The following AGBL2 variants were observed in gnomAD, a reference collection of about 807,000 sequenced individuals.
The protein encoded by AGBL2 is cytosolic carboxypeptidase 2.
Under a neutral mutation model 103.0 loss-of-function variants are expected in AGBL2, and 87 were observed. The ratio of observed to expected loss-of-function variants is 0.84; its 90% CI spans 0.71 to 1.01. The LOEUF (loss-of-function observed/expected upper bound fraction) is 1.01. Ranked by LOEUF, AGBL2 falls within the 50% of genes least tolerant of loss-of-function variation. The pLI is 0.00. For synonymous variants in AGBL2, 335 were observed against 356.7 expected, an observed-to-expected ratio of 0.94 and a Z score of 0.69; for missense variants, 904 against 1,023.5, an observed-to-expected ratio of 0.88 and a Z score of 1.59.
intron 14 of AGBL2, among the ~76,000 whole-genome samples, chr11:47,671,614 T>A (rs1482027922): frequency 6.6e-6 from 1 of 152,116 alleles, no homozygotes; most frequent in Non-Finnish European, 1.5e-5. Flanking sequence ...TTCAAACCAT[T>A]CAGCTGCCCA....
intron 15 of AGBL2, among the ~76,000 whole-genome samples, chr11:47,668,026 T>G (rs1424455035): frequency 1.3e-5 from 2 of 151,640 alleles, no homozygotes; most frequent in Non-Finnish European, 2.9e-5. Flanking sequence ...CTGGCCAACA[T>G]GGTAAAACCC....
chr11:47,679,345 C>T, intron 13 of AGBL2, among the ~76,000 whole-genome samples: 1 of 151,652 alleles, frequency 6.6e-6, no homozygotes, highest in African/African-American at 2.4e-5. Context: ...GAGCCGTGAT[C>T]ACCCCATTGC....
rs1208876421 is a variant in AGBL2, at chr11:47,659,659, AC to A, written c.*513del. On this transcript the variant is annotated 3_prime_UTR_variant, in exon 19 of 19. Coordinates refer to ENST00000525123, the MANE Select transcript of AGBL2 (RefSeq NM_024783.4). Reference sequence around the variant, plus strand: ...AACCTCATTGAACATAAGGTACGCAACATTAAATTCTGGGTAATACATGCAT... The same window carrying A: ...AACCTCATTGAACATAAGGTACGCAAATTAAATTCTGGGTAATACATGCAT... 6.6e-6 allele frequency: 1 copy of A among 152,276 alleles called. No homozygotes were observed. The highest frequency in any genetic ancestry group is 2.4e-5 in the African/African-American group (1 of 41,458). The allele number at this position is 152,276 out of a possible 1,614,324, so 9.4% of individuals were successfully genotyped here. A position where few individuals can be genotyped will look rare whatever the true frequency, so the allele number is the denominator to read the frequency against.
intron 17 of AGBL2, among the ~76,000 whole-genome samples, chr11:47,663,332 C>T (rs976483530): frequency 6.6e-6 from 1 of 152,180 alleles, no homozygotes; most frequent in Non-Finnish European, 1.5e-5. Context: ...GTGCTTTACC[C>T]TTTCACACTA....
intron 4 of AGBL2, among the ~76,000 whole-genome samples, chr11:47,707,003 AT>A (rs1245980272): frequency 6.9e-6 from 1 of 144,298 alleles, no homozygotes; most frequent in Non-Finnish European, 1.5e-5. Flanking sequence ...CCTGGCCAAT[AT>A]GGTGAAACCC....
intron 14 of AGBL2, among the ~76,000 whole-genome samples, chr11:47,674,860 G>A (rs1475280317): frequency 2.0e-5 from 3 of 151,754 alleles, no homozygotes; most frequent in East Asian, 2.0e-4. Flanking sequence ...GCAGCCTCCC[G>A]AGTAGCTGGG....
rs61737887 is a variant in AGBL2, at chr11:47,690,158, C to T, written c.1549G>A (p.Gly517Arg). 5.5e-4 allele frequency: 880 copies of T among 1,614,096 alleles called. 1 individual carries two copies. The highest frequency in any genetic ancestry group is 1.7e-3 in the Admixed American group (103 of 59,992). ...IVGNYRCSLA[G>R]RDLNRHYKTI... is the part of the protein sequence containing the mutation. Reference sequence around the variant, plus strand: ...TTATAATGCCTGTTCAAATCCCTTCCGGCCAAGGAACACCGATAATTCCCC... The same window carrying T: ...TTATAATGCCTGTTCAAATCCCTTCTGGCCAAGGAACACCGATAATTCCCC... The change falls in exon 10 of 19, where the codon GGA (glycine) becomes AGA (arginine). Residue 517 changes from glycine (G) to arginine (R), a missense_variant. By Grantham distance (125) the Gly-to-Arg change is moderately radical. Coordinates refer to ENST00000525123, the MANE Select transcript of AGBL2 (RefSeq NM_024783.4).
At chr11:47,713,720 C>T (rs988059125) in intron 3 of AGBL2, among the ~76,000 whole-genome samples, 2 of 151,036 alleles carry the variant, frequency 1.3e-5, no homozygotes, top group Non-Finnish European at 3.0e-5. Context: ...TTCCCAGTAG[C>T]TGGGACTACA....
At chr11:47,686,158 A>C (rs565878838) in intron 10 of AGBL2, 109 bp from the exon 11 acceptor site, 4 of 1,168,758 alleles carry the variant, frequency 3.4e-6, no homozygotes, top group Non-Finnish European at 4.9e-6. Flanking sequence ...TTTCCCTCCT[A>C]AGAAAATCTC....
rs1296153448 is a variant in AGBL2, at chr11:47,686,458, T to G, written c.1632-409A>C. Among the ~76,000 whole-genome samples, 3 of 148,718 alleles carry G rather than the reference T, an allele frequency of 2.0e-5. No individual in the cohort carries two copies. In the Admixed American group the frequency reaches 2.0e-4, roughly 10 times the overall value. ...TATTTTTGTTTCTGGTTTTTTTTTTTTTTTTTTTTTTGTAGAGGCAGGGTG... is the reference window on the plus strand; with the variant it reads ...TATTTTTGTTTCTGGTTTTTTTTTTGTTTTTTTTTTTGTAGAGGCAGGGTG... On this transcript the variant is annotated intron_variant, in intron 10 of 18. Coordinates refer to ENST00000525123, the MANE Select transcript of AGBL2 (RefSeq NM_024783.4).
At chr11:47,695,629 C>G (rs1182645495) in intron 8 of AGBL2, among the ~76,000 whole-genome samples, 1 of 151,128 alleles carries the variant, frequency 6.6e-6, no homozygotes, top group Non-Finnish European at 1.5e-5. Flanking sequence ...AAAAAATTAG[C>G]TGGGCAGGGT....
chr11:47,674,828 G>A (rs1279253105), intron 14 of AGBL2, among the ~76,000 whole-genome samples: 2 of 151,622 alleles, frequency 1.3e-5, no homozygotes, highest in South Asian at 2.1e-4. Context: ...CTCCGTCTCC[G>A]GGTTCCAGTG....
chr11:47,678,320 A>ATTATTTTTTT (rs1316888179), intron 13 of AGBL2, among the ~76,000 whole-genome samples: 1 of 119,694 alleles, frequency 8.4e-6, no homozygotes, highest in African/African-American at 2.7e-5. Flanking sequence ...ATTTTATTTT[A>ATTATTTTTTT]TTTTATTTTA....
intron 10 of AGBL2, among the ~76,000 whole-genome samples, chr11:47,686,945 G>A (rs1291219394): frequency 6.9e-5 from 8 of 115,268 alleles, no homozygotes; most frequent in African/African-American, 3.2e-5. Context: ...GGCATCAAGA[G>A]TGAAACTCTA....
chr11:47,699,652 G>A (rs575178170), intron 7 of AGBL2, 99 bp from the exon 8 acceptor site: 7 of 650,248 alleles, frequency 1.1e-5, no homozygotes, highest in African/African-American at 7.7e-5. Flanking sequence ...CAAATGGCTA[G>A]TTTGGTTGAA....
chr11:47,712,271 C>T (rs1297544479), intron 3 of AGBL2, among the ~76,000 whole-genome samples: 1 of 151,936 alleles, frequency 6.6e-6, no homozygotes, highest in African/African-American at 2.4e-5. Flanking sequence ...GGAACCTCCC[C>T]CCTGTAGATA....
At chr11:47,701,099 C>T (rs1423707702) in intron 7 of AGBL2, among the ~76,000 whole-genome samples, 1 of 151,276 alleles carries the variant, frequency 6.6e-6, no homozygotes, top group Non-Finnish European at 1.5e-5. Flanking sequence ...CTTATTAATA[C>T]AATTTAGTTT....
chr11:47,714,225 C>A, intron 3 of AGBL2, 59 bp downstream of exon 3: 1 of 1,362,482 alleles, frequency 7.3e-7, no homozygotes, highest in South Asian at 1.2e-5. Context: ...TCCCAGCTAA[C>A]GAAGCAATTT....
In AGBL2 at chr11:47,667,640, C is replaced by A; in HGVS notation, c.2271G>T (p.Arg757Ser). ...TCTGATACTGCTCATTTCGCTGTTT[C>A]CTAGTCTGAAGTGACTTCTTTTTTT... ...KKKKKKSLQT[R>S]KQRNEQYQKK... The change falls in exon 16 of 19, where the codon AGG (arginine) becomes AGT (serine). Residue 757 changes from arginine to serine, a missense_variant. Transcript: ENST00000525123. The A allele has an allele frequency of 2.5e-6, 4 of 1,613,798 alleles. No homozygotes were observed. The highest frequency in any genetic ancestry group is 3.4e-6 in the Non-Finnish European group (4 of 1,179,840).
Sources: gnomAD v4.1 joint callset for allele counts (sites outside exome capture counted in the v4.1 genomes callset) on GRCh38, gnomAD v4.1.1 for gene constraint, MANE v1.5 for transcripts, NCBI Gene and HGNC (gene_info 2026-07-23, HGNC 2026-07-21) for gene names.